Variants in SLIT3 observed in about 807,000 individuals in gnomAD.
SLIT3 encodes the protein slit guidance ligand 3.
SLIT3 carries 68 observed loss-of-function variants against 184.0 expected under a neutral mutation model. The ratio of observed to expected loss-of-function variants is 0.37; its 90% confidence interval spans 0.30 to 0.45. SLIT3 has a LOEUF of 0.45. SLIT3 is among the 20% of genes least tolerant of loss of function. SLIT3 has a pLI of 1.00. For missense variants in SLIT3, 1,707 were observed against 2,026.0 expected, an observed-to-expected ratio of 0.84 and a Z score of 3.02; for synonymous variants, 831 against 828.6, an observed-to-expected ratio of 1.00 and a Z score of -0.05.
chr5:169,174,871 G>A (rs747122665), intron 4 of SLIT3, among the ~76,000 whole-genome samples: 5 of 151,892 alleles, frequency 3.3e-5, no homozygotes, highest in African/African-American at 9.7e-5. Flanking sequence ...CAACAAAGAC[G>A]AATGATTAAA....
At chr5:168,844,696 C>A in intron 5 of SLIT3, 41 bp from the exon 6 acceptor site, 1 of 1,599,886 alleles carries the variant, frequency 6.3e-7, no homozygotes, top group Non-Finnish European at 8.6e-7. Context: ...TGAGCGGGGG[C>A]AGCGTGAGGG....
intron 18 of SLIT3, 144 bp from the exon 19 acceptor site, chr5:168,749,779 G>A (rs566975112): frequency 2.5e-6 from 2 of 795,136 alleles, no homozygotes; most frequent in East Asian, 5.2e-5. Context: ...TGCAGTCTCT[G>A]TGAGGGTCTC....
At chr5:168,864,012 A>C (rs928638784) in intron 5 of SLIT3, among the ~76,000 whole-genome samples, 3 of 150,888 alleles carry the variant, frequency 2.0e-5, no homozygotes, top group African/African-American at 4.9e-5. Context: ...CCTAGGCAAC[A>C]TGGTGAAACC....
chr5:169,081,175 A>G (rs991130514), intron 4 of SLIT3, among the ~76,000 whole-genome samples: 1 of 152,034 alleles, frequency 6.6e-6, no homozygotes, highest in African/African-American at 2.4e-5. Flanking sequence ...CAAGAAAACA[A>G]TTTTCTCAGG....
At chr5:168,779,896 G>T (rs1755905563) in intron 12 of SLIT3, among the ~76,000 whole-genome samples, 1 of 152,184 alleles carries the variant, frequency 6.6e-6, no homozygotes, top group Admixed American at 6.5e-5. Flanking sequence ...TCCACTAAAA[G>T]GACCCACTAC....
chr5:169,242,162 A>C (rs1765425111), intron 3 of SLIT3, among the ~76,000 whole-genome samples: 1 of 152,214 alleles, frequency 6.6e-6, no homozygotes, highest in African/African-American at 2.4e-5. Flanking sequence ...AGAACGAATA[A>C]CCAAAACCAG....
chr5:168,908,164 T>C (rs892027333), intron 4 of SLIT3, among the ~76,000 whole-genome samples: 1 of 152,064 alleles, frequency 6.6e-6, no homozygotes. Context: ...AATTAAAATA[T>C]AATTCCATAT....
chr5:169,227,112 C>T (rs1198073695), intron 3 of SLIT3, among the ~76,000 whole-genome samples: 1 of 152,138 alleles, frequency 6.6e-6, no homozygotes, highest in Non-Finnish European at 1.5e-5. Flanking sequence ...GTGGAAGACA[C>T]AGAGGAGACA....
chr5:168,866,304 C>A (rs1759299518), intron 5 of SLIT3, among the ~76,000 whole-genome samples: 1 of 152,202 alleles, frequency 6.6e-6, no homozygotes, highest in Non-Finnish European at 1.5e-5. Flanking sequence ...GAGAAAAAGT[C>A]TCAAAGTAAC....
chr5:168,942,832 C>A (rs1762369641), intron 4 of SLIT3, among the ~76,000 whole-genome samples: 1 of 151,454 alleles, frequency 6.6e-6, no homozygotes. Flanking sequence ...CAATTTCTGA[C>A]TGCTGATGGC....
At chr5:168,687,216 T>C in intron 29 of SLIT3, 100 bp from the exon 30 acceptor site, 3 of 1,356,726 alleles carry the variant, frequency 2.2e-6, no homozygotes, top group Non-Finnish European at 3.1e-6. Context: ...CCCCATCTCT[T>C]CTATCTACCC....
chr5:169,007,773 T>C (rs1161424574), intron 4 of SLIT3, among the ~76,000 whole-genome samples: 1 of 152,242 alleles, frequency 6.6e-6, no homozygotes, highest in Admixed American at 6.5e-5. Context: ...ATAATGCAGG[T>C]ACACACATAC....
chr5:169,210,591 G>A (rs977204331), intron 3 of SLIT3, among the ~76,000 whole-genome samples: 2 of 152,216 alleles, frequency 1.3e-5, no homozygotes, highest in South Asian at 2.1e-4. Flanking sequence ...TTAGTAGGAA[G>A]AGAACTTGGG....
intron 5 of SLIT3, among the ~76,000 whole-genome samples, chr5:168,876,046 G>T (rs746751801): frequency 9.9e-5 from 15 of 152,106 alleles, no homozygotes; most frequent in Non-Finnish European, 1.8e-4. Context: ...TCAAGATGCA[G>T]CACCCCATTT....
intron 9 of SLIT3, among the ~76,000 whole-genome samples, chr5:168,805,537 G>C (rs1048838546): frequency 5.9e-5 from 9 of 152,168 alleles, no homozygotes; most frequent in Non-Finnish European, 1.3e-4. Flanking sequence ...TAATCTTGAG[G>C]TCAGTGTTGA....
chr5:168,884,549 G>GATATACATATATATATATATATAT (rs1760106345), intron 4 of SLIT3, among the ~76,000 whole-genome samples: 1 of 41,138 alleles, frequency 2.4e-5, no homozygotes. Flanking sequence ...CCAATTACGA[G>GATATACATATATATATATATATAT]ATATATATAT....
At chr5:169,294,673 A>G (rs1767449534) in intron 1 of SLIT3, among the ~76,000 whole-genome samples, 1 of 152,232 alleles carries the variant, frequency 6.6e-6, no homozygotes, top group Non-Finnish European at 1.5e-5. Flanking sequence ...GGGGTCATGC[A>G]TCACTTAATG....
At chr5:168,678,103 G>A (rs976456140) in intron 32 of SLIT3, among the ~76,000 whole-genome samples, 9 of 152,196 alleles carry the variant, frequency 5.9e-5, no homozygotes, top group Non-Finnish European at 1.3e-4. Flanking sequence ...TTCAAAGTCA[G>A]GATTGCTTCC....
Position 168,664,816 on chromosome 5 carries a change from G to A in SLIT3, c.*1638C>T, listed in dbSNP as rs1760983131. On this transcript the variant is annotated 3_prime_UTR_variant, in exon 36 of 36. Coordinates refer to ENST00000519560, the MANE Select transcript of SLIT3 (RefSeq NM_003062.4). Reference sequence around the variant, plus strand: ...GGTGGAAGGGGGCAAATGGGAGTGAGGGAGGGAGAGACATGGAAAGAAACA... The same window carrying A: ...GGTGGAAGGGGGCAAATGGGAGTGAAGGAGGGAGAGACATGGAAAGAAACA... The A allele has an allele frequency of 6.6e-6, 1 of 152,296 alleles. No homozygotes were observed. The highest frequency in any genetic ancestry group is 1.5e-5 in the Non-Finnish European group (1 of 68,112). 9.4% of individuals were successfully genotyped at this position (152,296 alleles called of 1,614,324 possible).
Sources: allele counts gnomAD v4.1 joint callset (sites outside exome capture counted in the v4.1 genomes callset), GRCh38; gene constraint gnomAD v4.1.1; transcripts MANE v1.5; gene names NCBI Gene and HGNC (gene_info 2026-07-23, HGNC 2026-07-21).